AAMDC: variants seen among roughly 807,000 people sequenced by gnomAD.
AAMDC encodes mth938 domain-containing protein.
A neutral mutation model predicts 15.5 loss-of-function variants in AAMDC; 16 were observed. The ratio of observed to expected loss-of-function variants is 1.03; its 90% CI spans 0.70 to 1.57. The LOEUF is 1.57. AAMDC is among the 40% of genes most tolerant of loss of function. AAMDC has a pLI of 0.00. For missense variants in AAMDC, 141 were observed against 144.9 expected, an observed-to-expected ratio of 0.97 and a Z score of 0.14; for synonymous variants, 51 against 51.6, an observed-to-expected ratio of 0.99 and a Z score of 0.05.
At chr11:77,832,282 C>G (rs1949464806) in intron 1 of AAMDC, among the ~76,000 whole-genome samples, 1 of 151,750 alleles carries the variant, frequency 6.6e-6, no homozygotes, top group South Asian at 2.1e-4. Context: ...TAAATTTATT[C>G]TTTGAGTTTA....
chr11:77,877,615 C>T (rs551693678), intron 5 of AAMDC, among the ~76,000 whole-genome samples: 2 of 152,312 alleles, frequency 1.3e-5, no homozygotes, highest in South Asian at 2.1e-4. Context: ...TGAATGAATA[C>T]AGGCTTTATT....
At chr11:77,872,109 A>G (rs1287693284) in intron 3 of AAMDC, 66 bp from the exon 4 acceptor site, 3 of 1,525,556 alleles carry the variant, frequency 2.0e-6, no homozygotes, top group Admixed American at 1.9e-5. Context: ...CACCTGCCTC[A>G]TGGCAGTAAA....
At chr11:77,899,084 C>A (rs986900977) in intron 5 of AAMDC, among the ~76,000 whole-genome samples, 2 of 152,024 alleles carry the variant, frequency 1.3e-5, no homozygotes, top group Admixed American at 1.3e-4. Context: ...CTTACAATAA[C>A]CCTGTGAGGA....
chr11:77,872,357 TG>T, downstream of AAMDC: 1 of 1,568,650 alleles, frequency 6.4e-7, no homozygotes, highest in African/African-American at 1.4e-5. Context: ...TGCCTATGCC[TG>T]TGACTGTCAC....
rs66463325 is a variant in AAMDC, at chr11:77,822,414, C to CAAAA, written c.-19+1191_-19+1194dup. Among the ~76,000 whole-genome samples the CAAAA allele has an allele frequency of 6.7e-3, 501 of 74,306 alleles. 10 individuals carry two copies. The highest frequency in any genetic ancestry group is 0.019 in the African/African-American group (388 of 20,044). The allele number at this position is 74,306 out of a possible 152,430, so 48.7% of individuals were successfully genotyped here. Reference sequence around the variant, plus strand: ...TGAGCGACAGAGCAAGACTCCACCTCAAAAAAAAAAAAAAAAAAAAAGAAT... The same window carrying CAAAA: ...TGAGCGACAGAGCAAGACTCCACCTCAAAAAAAAAAAAAAAAAAAAAAAAAGAAT... On this transcript the variant is annotated intron_variant, in intron 1 of 3. Transcript: ENST00000393427.
intron 2 of AAMDC, chr11:77,850,953 C>CTTTTTTT (rs10644646): frequency 2.5e-5 from 3 of 119,554 alleles, no homozygotes; most frequent in Admixed American, 9.2e-5. Flanking sequence ...ACAATAATAT[C>CTTTTTTT]TTTTTTTTTT....
chr11:77,901,491 C>T (rs781717894), downstream of AAMDC: 1 of 1,612,976 alleles, frequency 6.2e-7, no homozygotes, highest in Non-Finnish European at 8.5e-7. Context: ...TGTATAATCA[C>T]CACCTGCTTA....
At chr11:77,872,071 G>T in intron 3 of AAMDC, 104 bp from the exon 4 acceptor site, 5 of 1,266,928 alleles carry the variant, frequency 3.9e-6, no homozygotes, top group Non-Finnish European at 5.3e-6. Context: ...GTGAAGTGAC[G>T]ATTGTCACTG....
At position 77,888,663 on chromosome 11, in the gene AAMDC, G is replaced by A. The variant is rs540914746; in HGVS notation, c.328+11614G>A. ...ACATACAAAATGGGAGAAAATTTTC[G>A]TAACCTACTCATCTGACAAAGGGCT... On this transcript the variant is annotated intron_variant, in intron 5 of 5. Transcript: ENST00000304716. 2.2e-3 allele frequency among the ~76,000 whole-genome samples: 329 copies of A among 151,646 alleles called. 2 individuals carry two copies. Among genetic ancestry groups the A allele is most frequent in the African/African-American group, 7.4e-3 (305 of 41,054 alleles).
intron 1 of AAMDC, among the ~76,000 whole-genome samples, chr11:77,828,640 C>G (rs562288082): frequency 6.8e-6 from 1 of 146,642 alleles, no homozygotes; most frequent in African/African-American, 2.5e-5. Context: ...CACTGCACTG[C>G]GCCTGGGCAA....
intron 1 of AAMDC, among the ~76,000 whole-genome samples, chr11:77,826,644 A>T (rs1000675628): frequency 1.3e-4 from 20 of 152,148 alleles, no homozygotes; most frequent in African/African-American, 1.7e-4. Context: ...TCTGTCTCCA[A>T]CAACACCCAG....
intron 5 of AAMDC, among the ~76,000 whole-genome samples, chr11:77,898,159 G>A (rs1565230873): frequency 1.3e-5 from 2 of 151,924 alleles, no homozygotes; most frequent in East Asian, 3.9e-4. Context: ...GGCCTTAACT[G>A]GCCTAAATTA....
intron 1 of AAMDC, among the ~76,000 whole-genome samples, chr11:77,826,361 C>CA (rs200321410): frequency 0.14 from 19,344 of 141,966 alleles, 1,372 homozygotes; most frequent in Admixed American, 0.2. Context: ...GACATCATCT[C>CA]AAAAAAAAAA....
Position 77,872,165 on chromosome 11 carries a change from A to G in AAMDC, c.229-10A>G. ...CCCCCTACTTACTCATCTCTTTTCC[A>G]CCTTCCCAGGTGCCTTCATCAACTG... On this transcript the variant is annotated splice_polypyrimidine_tract_variant and intron_variant, in intron 3 of 3. Transcript: ENST00000393427. 1 of 1,609,458 alleles carries G rather than the reference A, an allele frequency of 6.2e-7. No individual in the cohort carries two copies. The highest frequency in any genetic ancestry group is 8.5e-7 in the Non-Finnish European group (1 of 1,178,206).
intron 5 of AAMDC, chr11:77,883,764 A>G: frequency 6.5e-7 from 1 of 1,537,056 alleles, no homozygotes; most frequent in South Asian, 1.2e-5. Context: ...TTTAAAAACC[A>G]AACGCTTAAG....
At chr11:77,834,449 T>TG (rs908507594) in intron 1 of AAMDC, among the ~76,000 whole-genome samples, 10 of 148,364 alleles carry the variant, frequency 6.7e-5, no homozygotes, top group South Asian at 2.2e-4. Flanking sequence ...TTGTTTTTTT[T>TG]TTTTTTTTTT....
chr11:77,872,185 C>G lies in AAMDC; in HGVS notation c.239C>G (p.Ser80Ter), dbSNP rs1951463076. ...GMSEALKVPS[S>*]TVEYLKKHGI... ...TTTCCACCTTCCCAGGTGCCTTCATCAACTGTGGAGTACCTCAAGAAACAT... is the reference window on the plus strand; with the variant it reads ...TTTCCACCTTCCCAGGTGCCTTCATGAACTGTGGAGTACCTCAAGAAACAT... Residue 80 changes from serine (S) to a stop codon, truncating the protein, a stop_gained, in exon 4 of 4, where the codon TCA (serine) becomes TGA (stop). Coordinates refer to ENST00000393427, the MANE Select transcript of AAMDC (RefSeq NM_024684.4). LOFTEE classifies it high-confidence loss of function. The G allele has an allele frequency of 6.2e-7, 1 of 1,612,918 alleles. No homozygotes were observed. Among genetic ancestry groups the G allele is most frequent in the Non-Finnish European group, 8.5e-7 (1 of 1,179,534 alleles).
chr11:77,834,418 AT>A (rs1300988941), intron 1 of AAMDC, among the ~76,000 whole-genome samples: 7 of 148,510 alleles, frequency 4.7e-5, no homozygotes, highest in African/African-American at 1.7e-4. Context: ...TTTATGATGA[AT>A]TTCATGGAGA....
chr11:77,903,095 A>G (rs1406243219), downstream of AAMDC, among the ~76,000 whole-genome samples: 1 of 152,216 alleles, frequency 6.6e-6, no homozygotes, highest in East Asian at 1.9e-4. Context: ...ATAGAAGAGA[A>G]AAAATCCAGG....
Sources: allele counts gnomAD v4.1 joint callset (sites outside exome capture counted in the v4.1 genomes callset), GRCh38; gene constraint gnomAD v4.1.1; transcripts MANE v1.5; gene names NCBI Gene and HGNC (gene_info 2026-07-23, HGNC 2026-07-21).